FAM78B: variants seen among roughly 807,000 people sequenced by gnomAD.
FAM78B encodes the protein protein FAM78B.
Under a neutral mutation model 20.0 loss-of-function variants are expected in FAM78B, and 10 were observed. That is an observed-to-expected ratio of 0.50 (90% CI 0.31 to 0.85). FAM78B has a LOEUF of 0.85. Ranked by LOEUF, FAM78B falls within the 40% of genes least tolerant of loss-of-function variation. FAM78B has a pLI of 0.05. For synonymous variants in FAM78B, 135 were observed against 132.8 expected, an observed-to-expected ratio of 1.02 and a Z score of -0.12; for missense variants, 283 against 345.0, an observed-to-expected ratio of 0.82 and a Z score of 1.42.
chr1:166,063,098 G>C (rs986264525), intron 2 of FAM78B, among the ~76,000 whole-genome samples: 13 of 152,332 alleles, frequency 8.5e-5, no homozygotes, highest in African/African-American at 2.6e-4. Context: ...CTGATGCACT[G>C]GATAGAGAGA....
intron 1 of FAM78B, among the ~76,000 whole-genome samples, chr1:166,121,474 T>C (rs941855374): frequency 1.3e-5 from 2 of 152,100 alleles, no homozygotes; most frequent in Non-Finnish European, 2.9e-5. Context: ...CACTGAAGAA[T>C]GGTCTAGAAG....
intron 1 of FAM78B, among the ~76,000 whole-genome samples, chr1:166,138,985 C>T (rs188635947): frequency 9.9e-5 from 15 of 152,284 alleles, no homozygotes; most frequent in Admixed American, 3.9e-4. Flanking sequence ...TGTCATGTTC[C>T]CTGAGTTGTC....
intron 1 of FAM78B, among the ~76,000 whole-genome samples, chr1:166,151,863 C>A (rs1426202869): frequency 6.6e-6 from 1 of 152,182 alleles, no homozygotes; most frequent in Non-Finnish European, 1.5e-5. Flanking sequence ...CCCTACTGTT[C>A]AACTTTGACG....
intron 1 of FAM78B, among the ~76,000 whole-genome samples, chr1:166,125,832 A>ATTTTTTT (rs34168180): frequency 7.8e-6 from 1 of 128,802 alleles, no homozygotes; most frequent in Admixed American, 8.5e-5. Context: ...GCTACTTTGA[A>ATTTTTTT]TTTTTTTTTT....
At chr1:166,106,441 A>T (rs1043828378) in intron 1 of FAM78B, among the ~76,000 whole-genome samples, 12 of 152,034 alleles carry the variant, frequency 7.9e-5, no homozygotes, top group African/African-American at 2.9e-4. Context: ...CCTAAAACTT[A>T]AATTAAAAAA....
intron 1 of FAM78B, among the ~76,000 whole-genome samples, chr1:166,155,114 G>A (rs1655842985): frequency 6.6e-6 from 1 of 152,178 alleles, no homozygotes; most frequent in Non-Finnish European, 1.5e-5. Context: ...AGGCAGCTGG[G>A]AGGCAAGGAG....
chr1:166,162,731 T>A (rs1352352876), intron 1 of FAM78B, among the ~76,000 whole-genome samples: 4 of 152,214 alleles, frequency 2.6e-5, no homozygotes, highest in Non-Finnish European at 5.9e-5. Context: ...CAGACTATGT[T>A]ATTCTGGGCC....
At chr1:166,151,593 T>C (rs1462860488) in intron 1 of FAM78B, among the ~76,000 whole-genome samples, 1 of 152,306 alleles carries the variant, frequency 6.6e-6, no homozygotes, top group Non-Finnish European at 1.5e-5. Context: ...TCTGAAGTCA[T>C]TGATACAGCC....
chr1:166,073,232 G>A (rs1286424975), intron 1 of FAM78B, among the ~76,000 whole-genome samples: 1 of 152,122 alleles, frequency 6.6e-6, no homozygotes, highest in Non-Finnish European at 1.5e-5. Context: ...AGTGACATTG[G>A]AGGTTACACT....
intron 1 of FAM78B, among the ~76,000 whole-genome samples, chr1:166,142,598 T>C (rs1318629719): frequency 6.6e-6 from 1 of 152,354 alleles, no homozygotes; most frequent in Non-Finnish European, 1.5e-5. Context: ...CGTTTGTGAT[T>C]TGAGGAATCA....
chr1:166,085,685 T>TG (rs568065547), intron 1 of FAM78B, among the ~76,000 whole-genome samples: 183 of 152,298 alleles, frequency 1.2e-3, no homozygotes, highest in African/African-American at 4.1e-3. Flanking sequence ...CCTGCCTCCC[T>TG]GGTTAGAGGC....
intron 1 of FAM78B, among the ~76,000 whole-genome samples, chr1:166,079,141 C>G (rs375492805): frequency 6.6e-5 from 10 of 152,182 alleles, no homozygotes; most frequent in African/African-American, 2.2e-4. Flanking sequence ...CTATGTTACC[C>G]AGGTTGGTCT....
downstream of FAM78B, among the ~76,000 whole-genome samples, chr1:166,067,192 T>G (rs1168422044): frequency 1.3e-5 from 2 of 152,074 alleles, no homozygotes; most frequent in African/African-American, 2.4e-5. Flanking sequence ...TACCATGTTG[T>G]GAGATGAAAT....
chr1:166,062,232 C>A (rs184234297), intron 2 of FAM78B, among the ~76,000 whole-genome samples: 1 of 152,238 alleles, frequency 6.6e-6, no homozygotes, highest in African/African-American at 2.4e-5. Context: ...CTGCATCAGA[C>A]CACCATCAAG....
chr1:166,094,232 G>A (rs1162689017), intron 1 of FAM78B, among the ~76,000 whole-genome samples: 1 of 152,154 alleles, frequency 6.6e-6, no homozygotes, highest in Non-Finnish European at 1.5e-5. Flanking sequence ...TGGCAAGCAA[G>A]GAGCAGGAAC....
chr1:166,063,887 T>C (rs1297933361), intron 2 of FAM78B, among the ~76,000 whole-genome samples: 1 of 152,254 alleles, frequency 6.6e-6, no homozygotes, highest in African/African-American at 2.4e-5. Context: ...TTTTCTGGGT[T>C]AGCCAAGGAC....
chr1:166,165,057 G>C (rs1484152165), intron 1 of FAM78B: 1 of 152,194 alleles, frequency 6.6e-6, no homozygotes, highest in Non-Finnish European at 1.5e-5. Flanking sequence ...GCCCCTGGCG[G>C]TTGAGGAGCC....
intron 1 of FAM78B, among the ~76,000 whole-genome samples, chr1:166,130,653 A>G (rs1301765501): frequency 6.6e-6 from 1 of 152,232 alleles, no homozygotes; most frequent in South Asian, 2.1e-4. Context: ...AAATGTCAAT[A>G]GTACTGCTAT....
rs1210998707 is a variant in FAM78B, at chr1:166,166,870, G to C, written c.-622C>G. The C allele has an allele frequency of 6.6e-6, 1 of 151,924 alleles. No homozygotes were observed. The highest frequency in any genetic ancestry group is 6.6e-5 in the Admixed American group (1 of 15,252). The allele number at this position is 151,924 out of a possible 1,614,324, so 9.4% of individuals were successfully genotyped here. A position where few individuals can be genotyped will look rare whatever the true frequency, so the allele number is the denominator to read the frequency against. Reference sequence around the variant, plus strand: ...TCCCGCCGGCCCCGCCCCGTAGCCGGACCACACCGACACTCCTCGGCCCGG... The same window carrying C: ...TCCCGCCGGCCCCGCCCCGTAGCCGCACCACACCGACACTCCTCGGCCCGG... On this transcript the variant is annotated 5_prime_UTR_variant, in exon 1 of 2. Transcript: ENST00000354422.
Sources: allele counts gnomAD v4.1 joint callset (sites outside exome capture counted in the v4.1 genomes callset), GRCh38; gene constraint gnomAD v4.1.1; transcripts MANE v1.5; gene names NCBI Gene and HGNC (gene_info 2026-07-23, HGNC 2026-07-21).